The following RABGAP1 variants were observed in gnomAD, a reference collection of about 807,000 sequenced individuals.
RABGAP1 encodes the protein rab GTPase-activating protein 1.
Under a neutral mutation model 137.6 loss-of-function variants are expected in RABGAP1, and 23 were observed. That is an observed-to-expected ratio of 0.17 (90% CI 0.12 to 0.24). RABGAP1 has a LOEUF of 0.24. RABGAP1 is among the 10% of genes least tolerant of loss of function. The pLI is 1.00. For synonymous variants in RABGAP1, 451 were observed against 450.7 expected (o/e 1.00, Z -0.01); for missense variants, 906 against 1,275.8 (o/e 0.71, Z 4.42).
intron 2 of RABGAP1, among the ~76,000 whole-genome samples, chr9:122,977,951 A>AT (rs202197376): frequency 0.01 from 1,559 of 152,348 alleles, 4 homozygotes; most frequent in Non-Finnish European, 0.015. Context: ...ATAGAAAAAA[A>AT]GGAACAGTTG....
At chr9:123,067,685 G>GTA (rs1313578329) in intron 14 of RABGAP1, among the ~76,000 whole-genome samples, 1 of 152,210 alleles carries the variant, frequency 6.6e-6, no homozygotes, top group Non-Finnish European at 1.5e-5. Context: ...GGTAGCATCT[G>GTA]TAGCACTTGG....
At chr9:123,067,988 A>T (rs995527510) in intron 14 of RABGAP1, among the ~76,000 whole-genome samples, 1 of 152,212 alleles carries the variant, frequency 6.6e-6, no homozygotes, top group African/African-American at 2.4e-5. Flanking sequence ...TGAGAAGAAT[A>T]CATCAACTCT....
chr9:122,953,621 G>A (rs145202915), intron 1 of RABGAP1, among the ~76,000 whole-genome samples: 2,394 of 152,244 alleles, frequency 0.016, 35 homozygotes, highest in South Asian at 0.066. Context: ...GGATGGTCTC[G>A]ATCTCTTGAC....
intron 6 of RABGAP1, among the ~76,000 whole-genome samples, chr9:122,992,514 G>C (rs1276470707): frequency 3.9e-5 from 6 of 151,980 alleles, no homozygotes; most frequent in Non-Finnish European, 8.8e-5. Flanking sequence ...TACTGACAAA[G>C]TGCTATTACA....
chr9:122,956,370 T>C (rs576801505), intron 1 of RABGAP1, among the ~76,000 whole-genome samples: 32 of 151,688 alleles, frequency 2.1e-4, no homozygotes, highest in Non-Finnish European at 4.0e-4. Flanking sequence ...AACTAAGTGC[T>C]TTCCATTTCA....
chr9:122,969,012 C>G (rs1378311718), intron 2 of RABGAP1, among the ~76,000 whole-genome samples: 1 of 152,198 alleles, frequency 6.6e-6, no homozygotes, highest in African/African-American at 2.4e-5. Flanking sequence ...GATTTGTCAT[C>G]TTTACCAGAA....
chr9:123,072,420 C>T (rs2132145395), intron 15 of RABGAP1, among the ~76,000 whole-genome samples: 1 of 152,286 alleles, frequency 6.6e-6, no homozygotes, highest in South Asian at 2.1e-4. Flanking sequence ...GTCCCACAAG[C>T]CTGGGTGATT....
chr9:123,084,939 G>A (rs1174949507), intron 19 of RABGAP1, among the ~76,000 whole-genome samples: 1 of 152,152 alleles, frequency 6.6e-6, no homozygotes, highest in Non-Finnish European at 1.5e-5. Context: ...TGCACAGCCC[G>A]AGCTCTTAGT....
intron 13 of RABGAP1, among the ~76,000 whole-genome samples, chr9:123,044,376 A>G (rs1024027144): frequency 1.3e-5 from 2 of 152,156 alleles, no homozygotes; most frequent in Non-Finnish European, 2.9e-5. Context: ...ATTTCCTATT[A>G]ATTGTCTCAT....
At chr9:122,999,217 G>A (rs531182041) in intron 10 of RABGAP1, among the ~76,000 whole-genome samples, 28 of 152,012 alleles carry the variant, frequency 1.8e-4, no homozygotes, top group Admixed American at 1.5e-3. Flanking sequence ...GTCTCGCTCT[G>A]TCACCACCCA....
Position 122,998,632 on chromosome 9 carries a change from G to T in RABGAP1, c.1240G>T (p.Val414Leu), listed in dbSNP as rs982430935. The T allele has an allele frequency of 1.2e-6, 2 of 1,609,654 alleles. No homozygotes were observed. The change falls in exon 10 of 26, where the codon GTA becomes TTA. Residue 414 changes from valine to leucine, a missense_variant. Transcript: ENST00000373647. ...VLFMTTAVDLVITEVQEPVRF... is the reference protein window; with the variant it reads ...VLFMTTAVDLLITEVQEPVRF... ...GTTTATGACCACAGCTGTAGATTTG[G>T]TAATAACAGAAGTACAGGAGCCTGT...
At chr9:123,042,944 T>C (rs902979065) in intron 13 of RABGAP1, among the ~76,000 whole-genome samples, 2 of 152,174 alleles carry the variant, frequency 1.3e-5, no homozygotes, top group Admixed American at 6.5e-5. Flanking sequence ...TGGTGGAGTC[T>C]AAACATACAA....
chr9:122,976,860 T>C (rs112636401), intron 2 of RABGAP1, among the ~76,000 whole-genome samples: 15 of 152,112 alleles, frequency 9.9e-5, no homozygotes, highest in African/African-American at 3.6e-4. Context: ...ACGGTTAAGA[T>C]CTCCCAGAGG....
upstream of RABGAP1, among the ~76,000 whole-genome samples, chr9:122,937,059 G>A (rs80094543): frequency 0.016 from 2,388 of 152,326 alleles, 33 homozygotes; most frequent in South Asian, 0.066. Context: ...TTAAAGTGAA[G>A]CCAAATGTGG....
At chr9:123,057,807 T>C (rs865822038) in intron 13 of RABGAP1, among the ~76,000 whole-genome samples, 42 of 152,246 alleles carry the variant, frequency 2.8e-4, no homozygotes, top group Middle Eastern at 3.4e-3. Flanking sequence ...TCCCAGCACC[T>C]CGGGAGGCTG....
intron 13 of RABGAP1, among the ~76,000 whole-genome samples, chr9:123,058,308 A>G (rs1466518606): frequency 6.6e-6 from 1 of 152,164 alleles, no homozygotes; most frequent in Non-Finnish European, 1.5e-5. Context: ...ATGAAAAGAT[A>G]CAATATTTTG....
At position 123,070,045 on chromosome 9, in the gene RABGAP1, A is replaced by C. The variant is rs2034305220; in HGVS notation, c.1909-305A>C. Among the ~76,000 whole-genome samples the C allele has an allele frequency of 6.6e-6, 1 of 152,212 alleles. No individual in the cohort carries two copies. Among genetic ancestry groups the C allele is most frequent in the African/African-American group, 2.4e-5 (1 of 41,452 alleles). On this transcript the variant is annotated intron_variant, in intron 14 of 25. Coordinates refer to ENST00000373647, the MANE Select transcript of RABGAP1 (RefSeq NM_012197.4). The surrounding 1 kb of genome is among the most constrained non-coding windows in gnomAD (Gnocchi z 4.4). The stretch of plus-strand genomic sequence containing the variant: ...TGTTTGAGGCAGAGAGGGAAAGGAC[A>C]TCCCAAGGAGAGGGAACATCATGAA...
intron 17 of RABGAP1, among the ~76,000 whole-genome samples, chr9:123,075,686 T>A (rs191242739): frequency 6.6e-6 from 1 of 152,212 alleles, no homozygotes; most frequent in African/African-American, 2.4e-5. Context: ...TTACATAAAC[T>A]TTTCAGCTAA....
chr9:123,078,317 A>G (rs539865052), intron 19 of RABGAP1, among the ~76,000 whole-genome samples: 1 of 152,304 alleles, frequency 6.6e-6, no homozygotes, highest in East Asian at 1.9e-4. Context: ...TTAAAATGTT[A>G]CATACTTCAT....
Sources: allele counts gnomAD v4.1 joint callset (sites outside exome capture counted in the v4.1 genomes callset), GRCh38; gene constraint gnomAD v4.1.1; non-coding constraint Gnocchi (gnomAD v3.1); transcripts MANE v1.5; gene names NCBI Gene and HGNC (gene_info 2026-07-23, HGNC 2026-07-21).